TSC2: variants seen among roughly 807,000 people sequenced by gnomAD.
TSC2 encodes the protein tuberin.
In TSC2, 29 loss-of-function variants were observed where a neutral mutation model predicts 202.2. The ratio of observed to expected loss-of-function variants is 0.14; its 90% CI spans 0.11 to 0.20. The LOEUF (loss-of-function observed/expected upper bound fraction) is 0.20, where lower values mean the gene tolerates loss of function less well. Ranked by LOEUF, TSC2 falls within the 10% of genes least tolerant of loss-of-function variation. The pLI is 1.00. For synonymous variants in TSC2, 1,349 were observed against 1,044.0 expected (o/e 1.29, Z -5.63); for missense variants, 2,429 against 2,420.0 (o/e 1.00, Z -0.08).
In TSC2 at chr16:2,088,440, C is replaced by G; in HGVS notation, c.5260-6C>G. On this transcript the variant is annotated splice_region_variant and splice_polypyrimidine_tract_variant and intron_variant, in intron 41 of 41. Coordinates refer to ENST00000219476, the MANE Select transcript of TSC2 (RefSeq NM_000548.5). ...GACTTACTGCCCAAGCCGCCTCTGC[C>G]TTCAGATCTGCGAGGAAGCCGCCTA... 2 of 1,612,822 alleles carry G rather than the reference C, an allele frequency of 1.2e-6. No individual in the cohort carries two copies. Among genetic ancestry groups the G allele is most frequent in the South Asian group, 1.1e-5 (1 of 91,088 alleles).
intron 17 of TSC2, 134 bp from the exon 18 acceptor site, chr16:2,071,376 T>TGG (rs963427478): frequency 3.7e-6 from 3 of 810,942 alleles, no homozygotes; most frequent in African/African-American, 3.4e-5. Flanking sequence ...TGTTGGGATG[T>TGG]GGGTGTGTGC....
chr16:2,082,061 C>A, intron 31 of TSC2: 1 of 609,468 alleles, frequency 1.6e-6, no homozygotes, highest in South Asian at 1.9e-5. Flanking sequence ...GTGGGGAGTC[C>A]AGCACTGCGG....
intron 11 of TSC2, chr16:2,061,530 C>T: frequency 7.2e-6 from 3 of 414,010 alleles, no homozygotes; most frequent in South Asian, 4.2e-5. Context: ...GCCCGAGCTT[C>T]CTTCTTGGCC....
intron 36 of TSC2, 61 bp downstream of exon 36, chr16:2,085,383 G>A (rs1288439367): frequency 6.4e-7 from 1 of 1,572,934 alleles, no homozygotes; most frequent in East Asian, 2.2e-5. Context: ...AGCCTGCAGT[G>A]GGTAGGGAGT....
intron 7 of TSC2, among the ~76,000 whole-genome samples, 173 bp from the exon 8 acceptor site, chr16:2,056,471 G>A (rs891284962): frequency 1.3e-5 from 2 of 152,250 alleles, no homozygotes; most frequent in East Asian, 3.8e-4. Context: ...CAGTGACAGG[G>A]ACGTCAGGTG....
At chr16:2,083,904 G>C in intron 33 of TSC2, 88 bp downstream of exon 33, 1 of 1,513,338 alleles carries the variant, frequency 6.6e-7, no homozygotes. Flanking sequence ...CTGCACCCTG[G>C]GAACTGGCTC....
At chr16:2,055,258 G>A (rs958504492) in intron 5 of TSC2, 144 bp from the exon 6 acceptor site, 6 of 756,330 alleles carry the variant, frequency 7.9e-6, no homozygotes, top group African/African-American at 1.7e-5. Flanking sequence ...GGCCCAGTGC[G>A]TGGTCTGTCT....
At chr16:2,062,883 A>G in intron 13 of TSC2, 89 bp from the exon 14 acceptor site, 1 of 1,431,898 alleles carries the variant, frequency 7.0e-7, no homozygotes, top group Admixed American at 2.0e-5. Flanking sequence ...GAGGACCCAG[A>G]GTCGGGCTGG....
intron 33 of TSC2, 84 bp from the exon 34 acceptor site, chr16:2,084,144 A>G: frequency 6.5e-7 from 1 of 1,547,050 alleles, no homozygotes; most frequent in Non-Finnish European, 8.7e-7. Context: ...GAGGACAGAT[A>G]GGGCCTCACC....
At position 2,062,941 on chromosome 16, in the gene TSC2, C is replaced by A. The variant is rs961204537; in HGVS notation, c.1362-31C>A. ...GTGTGGGGCTGTGGCCGGGCACTCCCCACCCGCCCCAGCAGGCTGCCGTCC... is the reference window on the plus strand; with the variant it reads ...GTGTGGGGCTGTGGCCGGGCACTCCACACCCGCCCCAGCAGGCTGCCGTCC... On this transcript the variant is annotated intron_variant, in intron 13 of 41. Coordinates refer to ENST00000219476, the MANE Select transcript of TSC2 (RefSeq NM_000548.5). 4.5e-6 allele frequency: 7 copies of A among 1,545,918 alleles called. No individual in the cohort carries two copies. The Admixed American group carries it at 1.4e-4, about 30-fold the overall frequency.
rs45517423 is a variant in TSC2 at position 2,088,569 on chromosome 16, C to G, written c.5383C>G (p.Arg1795Gly). Residue 1795 changes from arginine to glycine, a missense_variant, in exon 42 of 42, where the codon CGC becomes GGC. Physicochemically the swap from Arg to Gly is moderately radical, Grantham distance 125. Transcript: ENST00000219476. ...TGGCTATGAGGTGGGCCAGCGGAAG[C>G]GCCTCATCTCCTCGGTGGAGGACTT... The part of the protein sequence containing the change: ...TPGYEVGQRK[R>G]LISSVEDFTE... 6.2e-7 allele frequency: 1 copy of G among 1,609,942 alleles called. No homozygotes were observed. Among genetic ancestry groups the G allele is most frequent in the Non-Finnish European group, 8.5e-7 (1 of 1,179,910 alleles).
chr16:2,071,566 C>T lies in TSC2; in HGVS notation c.1896C>T (p.Pro632=), dbSNP rs2151297691. ...ACTCACTGCACCGCCTGGGCCTGCC[C>T]AACAAGGATGGAGTCGTGCGGTTCA... ...RADSLHRLGL[P]NKDGVVRFSP... The change falls in exon 18 of 42, where the codon CCC becomes CCT. Residue 632 remains proline, a synonymous_variant. Coordinates refer to ENST00000219476, the MANE Select transcript of TSC2 (RefSeq NM_000548.5). The T allele has an allele frequency of 6.2e-7, 1 of 1,613,606 alleles. No individual in the cohort carries two copies. Among genetic ancestry groups the T allele is most frequent in the Non-Finnish European group, 8.5e-7 (1 of 1,180,044 alleles).
intron 8 of TSC2, 74 bp downstream of exon 8, chr16:2,056,843 G>C (rs2151083682): frequency 6.3e-7 from 1 of 1,596,500 alleles, no homozygotes; most frequent in Non-Finnish European, 8.5e-7. Context: ...TGTCTCCCAT[G>C]AATGGTTGTC....
intron 6 of TSC2, 118 bp from the exon 7 acceptor site, chr16:2,056,078 A>AC (rs2085770311): frequency 7.5e-7 from 1 of 1,335,020 alleles, no homozygotes; most frequent in Non-Finnish European, 1.0e-6. Flanking sequence ...GGTGGGTGGG[A>AC]CCCCCAGGGA....
intron 4 of TSC2, 176 bp downstream of exon 4, chr16:2,053,628 T>C: frequency 1.4e-6 from 1 of 711,130 alleles, no homozygotes; most frequent in South Asian, 1.5e-5. Context: ...GAGGTCTGTG[T>C]GACCGTAGGC....
chr16:2,080,587 C>T (rs1336887871), intron 30 of TSC2: 3 of 609,294 alleles, frequency 4.9e-6, no homozygotes, highest in Admixed American at 6.1e-5. Context: ...GGGTTCACGC[C>T]ATTCTCCTGC....
chr16:2,065,373 A>G (rs2087188621), intron 15 of TSC2, 146 bp from the exon 16 acceptor site: 2 of 728,874 alleles, frequency 2.7e-6, no homozygotes, highest in East Asian at 2.6e-5. Context: ...AGATTGTGCC[A>G]CCGCACTCCA....
chr16:2,058,798 C>T lies in TSC2; in HGVS notation c.900C>T (p.Gly300=), dbSNP rs1415187475. ...TGAGAGGAGCCGTGTTTTTTGTGGGCATGGCTCTCTGGGGAGCCCACCGGC... is the reference window on the plus strand; with the variant it reads ...TGAGAGGAGCCGTGTTTTTTGTGGGTATGGCTCTCTGGGGAGCCCACCGGC... The part of the protein sequence containing the change: ...PLLRGAVFFV[G]MALWGAHRLY... Residue 300 remains glycine (G), a synonymous_variant, in exon 10 of 42, where the codon GGC becomes GGT. Coordinates refer to ENST00000219476, the MANE Select transcript of TSC2 (RefSeq NM_000548.5). 1 of 1,597,074 alleles carries T rather than the reference C, an allele frequency of 6.3e-7. No individual in the cohort carries two copies. Among genetic ancestry groups the T allele is most frequent in the African/African-American group, 1.3e-5 (1 of 74,858 alleles).
intron 7 of TSC2, 114 bp downstream of exon 7, chr16:2,056,358 G>A: frequency 6.9e-7 from 1 of 1,447,900 alleles, no homozygotes; most frequent in Non-Finnish European, 9.5e-7. Flanking sequence ...TGGGCAAGCT[G>A]CTCGGTCTCT....
Sources: allele counts gnomAD v4.1 joint callset (sites outside exome capture counted in the v4.1 genomes callset), GRCh38; gene constraint gnomAD v4.1.1; transcripts MANE v1.5; gene names NCBI Gene and HGNC (gene_info 2026-07-23, HGNC 2026-07-21).